The following CSMD3 variants were observed in gnomAD, a reference collection of about 807,000 sequenced individuals.
The protein encoded by CSMD3 is CUB and Sushi multiple domains 3, also known as CUB and sushi domain-containing protein 3.
CSMD3 carries 177 observed loss-of-function variants against 435.2 expected under a neutral mutation model. The observed-to-expected ratio is 0.41, with a 90% CI of 0.36 to 0.46. The LOEUF (loss-of-function observed/expected upper bound fraction) is 0.46, where lower values mean the gene tolerates loss of function less well. Among genes scored for constraint, CSMD3 ranks in the 20% least tolerant of loss-of-function variants. The probability of loss-of-function intolerance (pLI) is 0.34; values close to 1 mark genes in which losing one functional copy is unlikely to be tolerated. For synonymous variants in CSMD3, 1,656 were observed against 1,520.5 expected, an observed-to-expected ratio of 1.09 and a Z score of -2.07; for missense variants, 4,265 against 4,504.6, an observed-to-expected ratio of 0.95 and a Z score of 1.52.
intron 13 of CSMD3, among the ~76,000 whole-genome samples, chr8:112,764,525 T>C (rs1391736213): frequency 6.6e-6 from 1 of 151,534 alleles, no homozygotes; most frequent in Admixed American, 6.6e-5. Flanking sequence ...TTATCATGTT[T>C]AGGCTCAATG....
intron 10 of CSMD3, among the ~76,000 whole-genome samples, chr8:112,870,794 C>T (rs2081114294): frequency 6.6e-6 from 1 of 151,806 alleles, no homozygotes; most frequent in South Asian, 2.1e-4. Context: ...CAATCAAAGT[C>T]GTTGCCCTAG....
chr8:113,080,650 T>G (rs2089525204), intron 5 of CSMD3, among the ~76,000 whole-genome samples: 1 of 152,174 alleles, frequency 6.6e-6, no homozygotes, highest in Non-Finnish European at 1.5e-5. Flanking sequence ...AATATTTTCA[T>G]TACAAAAAGC....
intron 5 of CSMD3, among the ~76,000 whole-genome samples, chr8:113,026,359 G>C (rs886847252): frequency 6.6e-6 from 1 of 152,116 alleles, no homozygotes; most frequent in Non-Finnish European, 1.5e-5. Flanking sequence ...CTTCCTTGTG[G>C]TGAAGTATCC....
intron 13 of CSMD3, among the ~76,000 whole-genome samples, chr8:112,731,106 T>C (rs1317754836): frequency 6.6e-6 from 1 of 152,096 alleles, no homozygotes; most frequent in Admixed American, 6.6e-5. Flanking sequence ...ATTGTTATTA[T>C]TATTGTTTTT....
chr8:113,043,276 T>C (rs187712535), intron 5 of CSMD3, among the ~76,000 whole-genome samples: 33 of 152,290 alleles, frequency 2.2e-4, no homozygotes, highest in Non-Finnish European at 4.1e-4. Context: ...TGCTACGAAA[T>C]CTTGCACTTT....
chr8:112,316,960 G>C (rs1317047620), intron 47 of CSMD3, among the ~76,000 whole-genome samples: 1 of 151,910 alleles, frequency 6.6e-6, no homozygotes, highest in Admixed American at 6.6e-5. Flanking sequence ...AAACGATGTA[G>C]GTTAATTCTA....
chr8:112,967,034 G>A (rs1017608730), intron 7 of CSMD3, among the ~76,000 whole-genome samples: 1 of 151,840 alleles, frequency 6.6e-6, no homozygotes, highest in Non-Finnish European at 1.5e-5. Context: ...CAGTGTATGA[G>A]CAAACCTAGA....
At chr8:112,464,587 C>G (rs528656622) in intron 32 of CSMD3, among the ~76,000 whole-genome samples, 1 of 152,056 alleles carries the variant, frequency 6.6e-6, no homozygotes, top group Admixed American at 6.6e-5. Flanking sequence ...AAACTACATA[C>G]AGGTTGAAGA....
chr8:113,082,634 T>C (rs552484819), intron 5 of CSMD3, among the ~76,000 whole-genome samples: 1 of 151,900 alleles, frequency 6.6e-6, no homozygotes, highest in Non-Finnish European at 1.5e-5. Context: ...ATAAAATTCA[T>C]GAAAAGGAAA....
chr8:113,210,496 T>G (rs1192515391), intron 3 of CSMD3, among the ~76,000 whole-genome samples: 1 of 152,098 alleles, frequency 6.6e-6, no homozygotes, highest in Admixed American at 6.6e-5. Flanking sequence ...AGTAAAAATG[T>G]ACATATTTTA....
chr8:112,857,731 C>G (rs1391277928), intron 11 of CSMD3, among the ~76,000 whole-genome samples: 1 of 149,120 alleles, frequency 6.7e-6, no homozygotes, highest in Admixed American at 6.7e-5. Flanking sequence ...GAGAGACTTA[C>G]AAGGATTAAA....
At chr8:112,930,604 A>C (rs994768533) in intron 9 of CSMD3, among the ~76,000 whole-genome samples, 3 of 152,038 alleles carry the variant, frequency 2.0e-5, no homozygotes, top group Non-Finnish European at 4.4e-5. Flanking sequence ...TAAATTATTA[A>C]AAGAATATTA....
chr8:112,351,345 G>T, intron 39 of CSMD3, 101 bp from the exon 40 acceptor site: 2 of 789,766 alleles, frequency 2.5e-6, no homozygotes, highest in Non-Finnish European at 2.2e-6. Context: ...TAAGTACATG[G>T]CTTTATTTTT....
intron 4 of CSMD3, among the ~76,000 whole-genome samples, chr8:113,163,014 G>A (rs1286255021): frequency 2.0e-5 from 3 of 151,950 alleles, no homozygotes; most frequent in Non-Finnish European, 4.4e-5. Flanking sequence ...CTTCCCATAA[G>A]CTATAAAAGC....
At chr8:112,332,824 C>T (rs1223477843) in intron 45 of CSMD3, among the ~76,000 whole-genome samples, 1 of 152,096 alleles carries the variant, frequency 6.6e-6, no homozygotes, top group Non-Finnish European at 1.5e-5. Context: ...TGAACATCTG[C>T]TCTGCCAGGC....
intron 32 of CSMD3, among the ~76,000 whole-genome samples, chr8:112,423,164 T>C (rs1019517298): frequency 2.0e-5 from 3 of 152,034 alleles, no homozygotes; most frequent in African/African-American, 7.2e-5. Context: ...TCAGAAACAG[T>C]CTTAAACAAT....
At chr8:113,030,431 A>G (rs112340958) in intron 5 of CSMD3, among the ~76,000 whole-genome samples, 2 of 149,060 alleles carry the variant, frequency 1.3e-5, no homozygotes, top group Admixed American at 6.7e-5. Context: ...AAAAAAAAAA[A>G]AAAAAAAAAA....
At chr8:113,126,882 C>G (rs2131662419) in intron 4 of CSMD3, among the ~76,000 whole-genome samples, 1 of 152,046 alleles carries the variant, frequency 6.6e-6, no homozygotes, top group South Asian at 2.1e-4. Flanking sequence ...CAGCCTAAGT[C>G]AATCCCATCT....
chr8:112,300,412 TA>T (rs1820807055), intron 53 of CSMD3, among the ~76,000 whole-genome samples: 2 of 151,748 alleles, frequency 1.3e-5, no homozygotes, highest in South Asian at 4.2e-4. Flanking sequence ...TAAGATTTTT[TA>T]TTTTTTTGAG....
Sources: allele counts gnomAD v4.1 joint callset (sites outside exome capture counted in the v4.1 genomes callset), GRCh38; gene constraint gnomAD v4.1.1; transcripts MANE v1.5; gene names NCBI Gene and HGNC (gene_info 2026-07-23, HGNC 2026-07-21).